Variants in ROR1 observed in about 807,000 individuals in gnomAD.
The protein encoded by ROR1 is inactive tyrosine-protein kinase transmembrane receptor ROR1.
Under a neutral mutation model 78.8 loss-of-function variants are expected in ROR1, and 19 were observed. That is an observed-to-expected ratio of 0.24 (90% confidence interval 0.17 to 0.35). ROR1 has a LOEUF of 0.35. Ranked by LOEUF, ROR1 falls within the 10% of genes least tolerant of loss-of-function variation. The pLI is 1.00. For missense variants in ROR1, 917 were observed against 1,177.8 expected, an observed-to-expected ratio of 0.78 and a Z score of 3.24; for synonymous variants, 386 against 433.6, an observed-to-expected ratio of 0.89 and a Z score of 1.36.
chr1:63,914,846 T>A (rs1481035586), intron 1 of ROR1, among the ~76,000 whole-genome samples: 1 of 152,154 alleles, frequency 6.6e-6, no homozygotes, highest in African/African-American at 2.4e-5. Flanking sequence ...TCTTCTCTGT[T>A]GCTTCCATGC....
At chr1:63,979,479 C>T (rs1171612800) in intron 1 of ROR1, among the ~76,000 whole-genome samples, 2 of 152,144 alleles carry the variant, frequency 1.3e-5, no homozygotes, top group Non-Finnish European at 2.9e-5. Context: ...AGAGGGCCAT[C>T]CTGCCAGAAG....
Position 64,158,370 on chromosome 1 carries a change from C to T in ROR1, c.1175-611C>T, listed in dbSNP as rs115180159. ...AGAGGTAAAAAATGAGGCCCAGAGA[C>T]GTGAATATTTGTTCAAGGTCACACA... On this transcript the variant is annotated intron_variant, in intron 7 of 8. Transcript: ENST00000371079. Among the ~76,000 whole-genome samples the T allele has an allele frequency of 5.3e-3, 811 of 152,242 alleles. 4 individuals carry two copies. The highest frequency in any genetic ancestry group is 0.019 in the African/African-American group (781 of 41,550).
intron 4 of ROR1, among the ~76,000 whole-genome samples, chr1:64,102,701 C>T (rs1474390521): frequency 2.6e-5 from 4 of 152,196 alleles, no homozygotes; most frequent in Admixed American, 2.0e-4. Context: ...TGATCGCCTT[C>T]GCTTTTTTAA....
At chr1:64,055,896 C>T (rs1391337833) in intron 4 of ROR1, among the ~76,000 whole-genome samples, 1 of 152,170 alleles carries the variant, frequency 6.6e-6, no homozygotes, top group East Asian at 1.9e-4. Flanking sequence ...ATGAATTTGC[C>T]TATTCTAGAC....
intron 1 of ROR1, among the ~76,000 whole-genome samples, chr1:63,918,222 C>T (rs998695822): frequency 3.9e-5 from 6 of 152,300 alleles, no homozygotes; most frequent in African/African-American, 1.2e-4. Context: ...TCTGCCAAAG[C>T]GTCCCTCCCT....
At chr1:64,157,028 T>G (rs1649795020) in intron 7 of ROR1, among the ~76,000 whole-genome samples, 1 of 152,230 alleles carries the variant, frequency 6.6e-6, no homozygotes, top group Admixed American at 6.5e-5. Flanking sequence ...ATCTACCTTA[T>G]AGAGTTGGTT....
At chr1:63,938,813 T>A (rs376900318) in intron 1 of ROR1, among the ~76,000 whole-genome samples, 1 of 152,022 alleles carries the variant, frequency 6.6e-6, no homozygotes, top group African/African-American at 2.4e-5. Flanking sequence ...CTGAACAACA[T>A]AGGGAGACCC....
chr1:63,779,683 T>A (rs1418119743), intron 1 of ROR1, among the ~76,000 whole-genome samples: 1 of 152,144 alleles, frequency 6.6e-6, no homozygotes, highest in South Asian at 2.1e-4. Context: ...GTAAGCTCAG[T>A]TGGGGTTTTC....
chr1:64,079,666 GA>G (rs1265532097), intron 4 of ROR1, among the ~76,000 whole-genome samples: 1 of 151,956 alleles, frequency 6.6e-6, no homozygotes, highest in East Asian at 1.9e-4. Flanking sequence ...ATTTTTAGTA[GA>G]AACGGGGTTT....
chr1:64,059,723 A>G (rs1241870003), intron 4 of ROR1, among the ~76,000 whole-genome samples: 1 of 151,530 alleles, frequency 6.6e-6, no homozygotes, highest in African/African-American at 2.4e-5. Context: ...AAAAAAAAAA[A>G]AAAGAGATGT....
intron 1 of ROR1, among the ~76,000 whole-genome samples, chr1:63,806,586 G>A (rs1314282276): frequency 1.3e-5 from 2 of 152,110 alleles, no homozygotes; most frequent in East Asian, 3.9e-4. Flanking sequence ...CAAAGTGCTG[G>A]GATTACAGGC....
Position 63,873,306 on chromosome 1 carries a change from T to C in ROR1, c.91+98798T>C, listed in dbSNP as rs1645263498. 4.6e-5 allele frequency among the ~76,000 whole-genome samples: 7 copies of C among 152,346 alleles called. No individual in the cohort carries two copies. In the South Asian group the frequency reaches 1.2e-3, roughly 27 times the overall value. On this transcript the variant is annotated intron_variant, in intron 1 of 8. Transcript: ENST00000371079. ...GATATTTCTGTTTCCAATAGTATTG[T>C]AAACTATAGAGTAAGAATTTTCTTG...
At chr1:64,113,306 G>A (rs1648183232) in intron 4 of ROR1, among the ~76,000 whole-genome samples, 1 of 152,148 alleles carries the variant, frequency 6.6e-6, no homozygotes, top group Non-Finnish European at 1.5e-5. Flanking sequence ...TTCACAAAGA[G>A]GCACACCATA....
At chr1:64,125,469 A>C (rs1449639464) in intron 4 of ROR1, among the ~76,000 whole-genome samples, 1 of 152,160 alleles carries the variant, frequency 6.6e-6, no homozygotes, top group Non-Finnish European at 1.5e-5. Context: ...AATGACTACA[A>C]AGCTGGGAGT....
At chr1:64,161,577 C>CCA (rs1553162499) in intron 8 of ROR1, among the ~76,000 whole-genome samples, 1 of 151,960 alleles carries the variant, frequency 6.6e-6, no homozygotes, top group Non-Finnish European at 1.5e-5. Flanking sequence ...CCTTCATGGT[C>CCA]AGAGACAAAT....
At chr1:64,085,684 T>C (rs1480483870) in intron 4 of ROR1, among the ~76,000 whole-genome samples, 2 of 152,034 alleles carry the variant, frequency 1.3e-5, no homozygotes, top group African/African-American at 4.8e-5. Flanking sequence ...GACCTGGAGG[T>C]GGCCCTTGCA....
At chr1:63,787,879 C>G (rs1367773490) in intron 1 of ROR1, among the ~76,000 whole-genome samples, 1 of 152,204 alleles carries the variant, frequency 6.6e-6, no homozygotes, top group African/African-American at 2.4e-5. Context: ...GGGAAATGCC[C>G]CTTCATCAGT....
intron 2 of ROR1, among the ~76,000 whole-genome samples, chr1:64,019,082 G>A (rs993135237): frequency 6.6e-6 from 1 of 152,126 alleles, no homozygotes; most frequent in African/African-American, 2.4e-5. Context: ...TTATTTTATT[G>A]GTCTGGTGTA....
At chr1:64,151,319 A>G (rs1335600578) in intron 7 of ROR1, among the ~76,000 whole-genome samples, 2 of 152,202 alleles carry the variant, frequency 1.3e-5, no homozygotes, top group Admixed American at 1.3e-4. Flanking sequence ...CAACCCAGCA[A>G]GGAGGAAGCC....
Sources: allele counts gnomAD v4.1 joint callset (sites outside exome capture counted in the v4.1 genomes callset), GRCh38; gene constraint gnomAD v4.1.1; transcripts MANE v1.5; gene names NCBI Gene and HGNC (gene_info 2026-07-23, HGNC 2026-07-21).